SEC14L1: variants seen among roughly 807,000 people sequenced by gnomAD.
The protein encoded by SEC14L1 is SEC14 like lipid binding 1.
A neutral mutation model predicts 85.3 loss-of-function variants in SEC14L1; 48 were observed. That is an observed-to-expected ratio of 0.56 (90% CI 0.45 to 0.72). The LOEUF (loss-of-function observed/expected upper bound fraction) is 0.72. Among genes scored for constraint, SEC14L1 ranks in the 30% least tolerant of loss-of-function variants. The pLI, the probability that SEC14L1 is intolerant of heterozygous loss-of-function variation, is 0.00. For synonymous variants in SEC14L1, 391 were observed against 355.5 expected (o/e 1.10, Z -1.12); for missense variants, 682 against 921.4 (o/e 0.74, Z 3.36).
chr17:77,212,412 G>A (rs1976803653), intron 15 of SEC14L1, among the ~76,000 whole-genome samples: 1 of 152,180 alleles, frequency 6.6e-6, no homozygotes, highest in Non-Finnish European at 1.5e-5. Context: ...GACAGAATCT[G>A]CGACTTTTCC....
intron 1 of SEC14L1, chr17:77,088,999 C>T (rs1254813999): frequency 2.5e-5 from 4 of 161,228 alleles, no homozygotes; most frequent in African/African-American, 9.6e-5. Flanking sequence ...CGCACACAGC[C>T]ACCGAAATTG....
intron 3 of SEC14L1, among the ~76,000 whole-genome samples, chr17:77,169,370 A>C (rs78323798): frequency 0.015 from 2,236 of 152,180 alleles, 52 homozygotes; most frequent in Admixed American, 0.041. Context: ...GCAATGAGAG[A>C]GTCTTGCATG....
intron 3 of SEC14L1, among the ~76,000 whole-genome samples, chr17:77,176,402 G>A (rs55816412): frequency 6.6e-6 from 1 of 152,194 alleles, no homozygotes; most frequent in Non-Finnish European, 1.5e-5. Context: ...TCAGTCCCGT[G>A]TGAGGATTTA....
chr17:77,177,252 T>G (rs1441185595), intron 3 of SEC14L1, among the ~76,000 whole-genome samples: 1 of 151,634 alleles, frequency 6.6e-6, no homozygotes, highest in Non-Finnish European at 1.5e-5. Context: ...GTGAGCAAAT[T>G]TAAAACATAG....
At position 77,206,902 on chromosome 17, in the gene SEC14L1, T is replaced by C; in HGVS notation, c.1476+40T>C. 1.4e-6 allele frequency: 2 copies of C among 1,474,272 alleles called. No individual in the cohort carries two copies. Among genetic ancestry groups the C allele is most frequent in the Non-Finnish European group, 1.8e-6 (2 of 1,109,218 alleles). The allele number at this position is 1,474,272 out of a possible 1,614,324, so 91.3% of individuals were successfully genotyped here. A position where few individuals can be genotyped will look rare whatever the true frequency, so the allele number is the denominator to read the frequency against. On this transcript the variant is annotated intron_variant, in intron 13 of 16. Transcript: ENST00000436233. This position sits in a 1 kb window ranked among gnomAD's most constrained non-coding sequence, Gnocchi z 4.3. ...GAGGAACTGCACATTTGGCCCCTTA[T>C]GCAGGTGGGAGAGGTCGGTGTCGAT...
chr17:77,200,026 C>T (rs1598388899), intron 8 of SEC14L1, among the ~76,000 whole-genome samples: 1 of 152,064 alleles, frequency 6.6e-6, no homozygotes, highest in African/African-American at 2.4e-5. Flanking sequence ...ATGAGCTGGG[C>T]GTGGTGGCGT....
intron 1 of SEC14L1, among the ~76,000 whole-genome samples, chr17:77,142,368 A>G (rs1199023155): frequency 6.6e-6 from 1 of 152,044 alleles, no homozygotes; most frequent in Admixed American, 6.5e-5. Context: ...TGAGCCCAGG[A>G]GTTTGAGACC....
intron 3 of SEC14L1, among the ~76,000 whole-genome samples, chr17:77,184,803 AC>A (rs1358606426): frequency 6.6e-6 from 1 of 152,246 alleles, no homozygotes; most frequent in Non-Finnish European, 1.5e-5. Context: ...AGGAGCTAGT[AC>A]ATAGATTGAT....
intron 3 of SEC14L1, among the ~76,000 whole-genome samples, chr17:77,107,733 G>C (rs62078278): frequency 0.26 from 38,770 of 151,968 alleles, 6,079 homozygotes; most frequent in East Asian, 0.44. Context: ...AACAGCAAAG[G>C]CTTCTCCACA....
intron 3 of SEC14L1, among the ~76,000 whole-genome samples, chr17:77,132,476 C>G (rs1972641746): frequency 6.6e-6 from 1 of 152,200 alleles, no homozygotes; most frequent in Non-Finnish European, 1.5e-5. Flanking sequence ...CCACCCGCCT[C>G]TGCCTCCCAA....
rs779140972 is a variant in SEC14L1, at chr17:77,194,763, G to A, written c.561G>A (p.Thr187=). Residue 187 remains threonine (T), a synonymous_variant, in exon 7 of 17, where the codon ACG becomes ACA. Transcript: ENST00000436233. ...CCCGTTGGAGTCCGCCTTCCATCAC[G>A]ACCTCTTCAGAGACATCTTCATCAT... is the stretch of plus-strand genomic sequence containing the variant. The part of the protein sequence containing the change: ...FVPRWSPPSI[T]TSSETSSSSS... 1.8e-4 allele frequency: 289 copies of A among 1,613,986 alleles called. 1 individual carries two copies. The highest frequency in any genetic ancestry group is 4.9e-5 in the Non-Finnish European group (58 of 1,180,004).
rs764073785 is a variant in SEC14L1 at position 77,212,201 on chromosome 17, G to C, written c.1863G>C (p.Gln621His). Residue 621 changes from glutamine to histidine, a missense_variant and splice_region_variant, in exon 15 of 17, where the codon CAG (glutamine) becomes CAC (histidine). Coordinates refer to ENST00000436233, the MANE Select transcript of SEC14L1 (RefSeq NM_001143998.2). ...PLICKEGESVQGSHVTRWPGF... is the reference protein window; with the variant it reads ...PLICKEGESVHGSHVTRWPGF... ...TCTGCAAAGAAGGAGAAAGCGTGCA[G>C]GTAAAATCACACACAGGTCAAATCG... 4.3e-6 allele frequency: 7 copies of C among 1,613,118 alleles called. No homozygotes were observed. Among genetic ancestry groups the C allele is most frequent in the Non-Finnish European group, 5.9e-6 (7 of 1,179,744 alleles).
At chr17:77,131,907 C>T (rs1479808030) in intron 3 of SEC14L1, among the ~76,000 whole-genome samples, 1 of 152,148 alleles carries the variant, frequency 6.6e-6, no homozygotes, top group East Asian at 1.9e-4. Context: ...GAGTTTGCCT[C>T]TCCAGATTGA....
rs1029328413 is a variant in SEC14L1, at chr17:77,214,322, G to A, written c.*299G>A. The A allele has an allele frequency of 1.7e-5, 19 of 1,133,536 alleles. No individual in the cohort carries two copies. Among genetic ancestry groups the A allele is most frequent in the African/African-American group, 1.1e-4 (7 of 62,322 alleles). The allele number at this position is 1,133,536 out of a possible 1,614,324, so 70.2% of individuals were successfully genotyped here. ...TTTCTGTACCAATTAAAGGATTGAC[G>A]TGGTCTCAGATATTGATGCAAAAAA... On this transcript the variant is annotated 3_prime_UTR_variant, in exon 17 of 17. Transcript: ENST00000436233.
At chr17:77,105,353 T>C (rs1371451869) in intron 3 of SEC14L1, among the ~76,000 whole-genome samples, 2 of 147,296 alleles carry the variant, frequency 1.4e-5, no homozygotes, top group Non-Finnish European at 3.0e-5. Context: ...CTCTAGCCTG[T>C]GACATGCTCC....
At chr17:77,131,514 C>A (rs1187926401) in intron 3 of SEC14L1, among the ~76,000 whole-genome samples, 1 of 152,186 alleles carries the variant, frequency 6.6e-6, no homozygotes, top group Non-Finnish European at 1.5e-5. Flanking sequence ...AGATGATCCA[C>A]CCGCCTCGAC....
chr17:77,206,655 C>G lies in SEC14L1; in HGVS notation c.1342-73C>G. On this transcript the variant is annotated intron_variant, in intron 12 of 16. Coordinates refer to ENST00000436233, the MANE Select transcript of SEC14L1 (RefSeq NM_001143998.2). The surrounding 1 kb of genome is among the most constrained non-coding windows in gnomAD (Gnocchi z 4.3). ...TCCCCCCACCCTCCCACTCAGAATACCACATTGTCATTTTAATCTTGGACA... is the reference window on the plus strand; with the variant it reads ...TCCCCCCACCCTCCCACTCAGAATAGCACATTGTCATTTTAATCTTGGACA... 1.3e-6 allele frequency: 2 copies of G among 1,518,472 alleles called. No homozygotes were observed. The highest frequency in any genetic ancestry group is 1.8e-6 in the Non-Finnish European group (2 of 1,121,800). The allele number at this position is 1,518,472 out of a possible 1,614,324, so 94.1% of individuals were successfully genotyped here. A position where few individuals can be genotyped will look rare whatever the true frequency, so the allele number is the denominator to read the frequency against.
intron 3 of SEC14L1, among the ~76,000 whole-genome samples, chr17:77,189,860 C>T (rs957277289): frequency 5.9e-5 from 9 of 152,178 alleles, no homozygotes; most frequent in Admixed American, 1.3e-4. Context: ...AATCTCCTGA[C>T]CTCATGATCT....
intron 11 of SEC14L1, 152 bp downstream of exon 11, chr17:77,205,498 G>A: frequency 2.7e-6 from 2 of 729,020 alleles, no homozygotes; most frequent in East Asian, 2.8e-5. Flanking sequence ...AGTGACGAGG[G>A]ACAGACAGTT....
Sources: gnomAD v4.1 joint callset for allele counts (sites outside exome capture counted in the v4.1 genomes callset) on GRCh38, gnomAD v4.1.1 for gene constraint, Gnocchi (gnomAD v3.1) non-coding constraint, MANE v1.5 for transcripts, NCBI Gene and HGNC (gene_info 2026-07-23, HGNC 2026-07-21) for gene names.